Variants in DENND4A observed in about 807,000 individuals in gnomAD.
The protein encoded by DENND4A is DENN domain containing 4A, also known as C-myc promoter-binding protein.
A neutral mutation model predicts 199.3 loss-of-function variants in DENND4A; 70 were observed. That is an observed-to-expected ratio of 0.35 (90% CI 0.29 to 0.43). DENND4A has a LOEUF of 0.43. Ranked by LOEUF, DENND4A falls within the 20% of genes least tolerant of loss-of-function variation. DENND4A has a pLI of 1.00. For missense variants in DENND4A, 1,723 were observed against 2,255.8 expected (o/e 0.76, Z 4.78); for synonymous variants, 686 against 766.9 (o/e 0.89, Z 1.74).
At chr15:65,719,324 C>CAT (rs2075528580) in intron 12 of DENND4A, 1 of 139,668 alleles carries the variant, frequency 7.2e-6, no homozygotes, top group Non-Finnish European at 1.6e-5. Flanking sequence ...TCTTCTTTCC[C>CAT]TTTTTTTTTT....
rs34181353 is a variant in DENND4A at position 65,772,706 on chromosome 15, CAAAAAAAAAAAAA to C, written c.-101-11281_-101-11269del. On this transcript the variant is annotated intron_variant, in intron 1 of 32. Transcript: ENST00000443035. ...TGGGCAACAAAATGAGACTCCGTCT[CAAAAAAAAAAAAA>C]AAAAAAAAAAAAAAAAAGACCTGAT... 2.1e-3 allele frequency among the ~76,000 whole-genome samples: 71 copies of C among 33,600 alleles called. 1 individual carries two copies. Among genetic ancestry groups the C allele is most frequent in the African/African-American group, 7.8e-3 (66 of 8,446 alleles). The allele number at this position is 33,600 out of a possible 152,430, so 22.0% of individuals were successfully genotyped here. A position where few individuals can be genotyped will look rare whatever the true frequency, so the allele number is the denominator to read the frequency against.
intron 25 of DENND4A, 84 bp from the exon 26 acceptor site, chr15:65,670,272 G>A: frequency 8.4e-7 from 1 of 1,187,122 alleles, no homozygotes; most frequent in Non-Finnish European, 1.1e-6. Context: ...TAAATTCATT[G>A]GATAATTAAA....
At chr15:65,769,382 G>T (rs1596658382) in intron 1 of DENND4A, among the ~76,000 whole-genome samples, 1 of 152,052 alleles carries the variant, frequency 6.6e-6, no homozygotes, top group African/African-American at 2.4e-5. Context: ...ATACTGATTT[G>T]TTGTTCCTGT....
intron 29 of DENND4A, among the ~76,000 whole-genome samples, chr15:65,667,235 C>A (rs2076072175): frequency 6.6e-6 from 1 of 152,208 alleles, no homozygotes; most frequent in African/African-American, 2.4e-5. Flanking sequence ...GAGGCTGAGG[C>A]AGGAGAATTG....
At chr15:65,765,931 T>G (rs893154116) in intron 1 of DENND4A, among the ~76,000 whole-genome samples, 1 of 152,150 alleles carries the variant, frequency 6.6e-6, no homozygotes, top group African/African-American at 2.4e-5. Context: ...CAGAGATATA[T>G]TTCCAAAAAC....
chr15:65,695,666 A>G (rs1232276242), intron 22 of DENND4A, among the ~76,000 whole-genome samples: 1 of 152,184 alleles, frequency 6.6e-6, no homozygotes, highest in African/African-American at 2.4e-5. Context: ...AAGCTAATAC[A>G]AAAAAATTTA....
Position 65,691,350 on chromosome 15 carries a change from C to G in DENND4A, c.3244G>C (p.Val1082Leu). The change falls in exon 23 of 33, where the codon GTA becomes CTA. Residue 1082 changes from valine to leucine, a missense_variant. Coordinates refer to ENST00000443035, the MANE Select transcript of DENND4A (RefSeq NM_001320835.1). ...CTATTGAGCATAAATCCCATCAGTA[C>G]CCCTCCACTAAGATTACGGTTTCTA... The part of the protein sequence containing the change: ...GNRNRNLSGG[V>L]LMGFMLNRIN... The G allele has an allele frequency of 6.2e-7, 1 of 1,613,558 alleles. No individual in the cohort carries two copies. Among genetic ancestry groups the G allele is most frequent in the Non-Finnish European group, 8.5e-7 (1 of 1,179,726 alleles).
chr15:65,667,069 C>T (rs1157816199), intron 29 of DENND4A, among the ~76,000 whole-genome samples: 1 of 152,090 alleles, frequency 6.6e-6, no homozygotes, highest in Non-Finnish European at 1.5e-5. Flanking sequence ...CGGTGGCTCA[C>T]GCCTGTAATC....
chr15:65,706,053 T>G (rs371585708), intron 15 of DENND4A, 38 bp downstream of exon 15: 1 of 1,474,730 alleles, frequency 6.8e-7, no homozygotes, highest in Non-Finnish European at 9.0e-7. Flanking sequence ...ATGGATTGCT[T>G]CTCTCTTTCA....
chr15:65,717,056 G>T (rs1039944992), intron 13 of DENND4A, among the ~76,000 whole-genome samples: 3 of 152,174 alleles, frequency 2.0e-5, no homozygotes, highest in African/African-American at 7.2e-5. Context: ...TCCGTGATAT[G>T]AGGTTGTGAA....
At chr15:65,789,038 ATAT>A (rs1398560839) in intron 1 of DENND4A, among the ~76,000 whole-genome samples, 3 of 151,900 alleles carry the variant, frequency 2.0e-5, no homozygotes, top group Non-Finnish European at 4.4e-5. Context: ...TTTTCTCTTA[ATAT>A]TATATTATAC....
Position 65,756,236 on chromosome 15 carries a change from C to G in DENND4A, c.215G>C (p.Gly72Ala). 1 of 1,612,414 alleles carries G rather than the reference C, an allele frequency of 6.2e-7. No homozygotes were observed. The highest frequency in any genetic ancestry group is 8.5e-7 in the Non-Finnish European group (1 of 1,179,126). ...DYICIDVTPT[G>A]LSADLNNGSL... ...TCCATTATTAAGATCAGCTGACAAT[C>G]CAGTTGGGGTAACATCAATACAGAT... is the stretch of plus-strand genomic sequence containing the variant. Residue 72 changes from glycine to alanine, a missense_variant, in exon 3 of 33, where the codon GGA becomes GCA. By Grantham distance (60) the Gly-to-Ala change is moderately conservative. Transcript: ENST00000443035.
At chr15:65,769,102 C>G (rs1396449693) in intron 1 of DENND4A, among the ~76,000 whole-genome samples, 1 of 151,030 alleles carries the variant, frequency 6.6e-6, no homozygotes, top group Non-Finnish European at 1.5e-5. Flanking sequence ...TAAATGATTA[C>G]AAAGTCGGAT....
intron 17 of DENND4A, 148 bp from the exon 18 acceptor site, chr15:65,702,038 G>A: frequency 8.8e-7 from 1 of 1,139,914 alleles, no homozygotes; most frequent in Non-Finnish European, 1.3e-6. Flanking sequence ...CAAGGCAGGT[G>A]AAGCTCTGGA....
rs573369542 is a variant in DENND4A, at chr15:65,783,103, T to C, written c.-102+8907A>G. ...GTAATTTAGATCAATTTATTAAAAA[T>C]AAAATTAAAATACAGATGTCAGGGG... On this transcript the variant is annotated intron_variant, in intron 1 of 32. Coordinates refer to ENST00000443035, the MANE Select transcript of DENND4A (RefSeq NM_001320835.1). Among the ~76,000 whole-genome samples, 3 of 152,054 alleles carry C rather than the reference T, an allele frequency of 2.0e-5. No homozygotes were observed. The East Asian group carries it at 5.8e-4, about 29-fold the overall frequency.
intron 22 of DENND4A, 189 bp downstream of exon 22, chr15:65,696,177 A>G (rs970933013): frequency 1.2e-5 from 7 of 569,044 alleles, no homozygotes; most frequent in South Asian, 2.5e-5. Flanking sequence ...ATGCCTTGCT[A>G]TAATACAAGC....
rs148320253 is a variant in DENND4A at position 65,706,796 on chromosome 15, T to A, written c.1954-572A>T. 2.7e-3 allele frequency among the ~76,000 whole-genome samples: 413 copies of A among 152,246 alleles called. 3 individuals carry two copies. The highest frequency in any genetic ancestry group is 9.4e-3 in the African/African-American group (391 of 41,560). On this transcript the variant is annotated intron_variant, in intron 14 of 32. Coordinates refer to ENST00000443035, the MANE Select transcript of DENND4A (RefSeq NM_001320835.1). ...GGCGTGAGCCACAGCGCCCGGCCTT[T>A]CATTTTTGCTTATATTTACATAAAG...
intron 1 of DENND4A, among the ~76,000 whole-genome samples, chr15:65,785,925 AAAAC>A (rs1367552362): frequency 1.3e-5 from 2 of 152,216 alleles, no homozygotes; most frequent in South Asian, 2.1e-4. Flanking sequence ...AAAATACCTA[AAAAC>A]AAACAAAAAA....
chr15:65,739,145 G>C (rs537466328), intron 5 of DENND4A, among the ~76,000 whole-genome samples: 30 of 152,232 alleles, frequency 2.0e-4, no homozygotes, highest in African/African-American at 7.0e-4. Context: ...CTATAGAAAT[G>C]CACAAACATA....
Sources: gnomAD v4.1 joint callset for allele counts (sites outside exome capture counted in the v4.1 genomes callset) on GRCh38, gnomAD v4.1.1 for gene constraint, MANE v1.5 for transcripts, NCBI Gene and HGNC (gene_info 2026-07-23, HGNC 2026-07-21) for gene names.